Variants in VSX1 observed in about 807,000 individuals in gnomAD.
VSX1 encodes homeodomain protein RINX.
In VSX1, 23 loss-of-function variants were observed where a neutral mutation model predicts 23.6. That is an observed-to-expected ratio of 0.97 (90% CI 0.70 to 1.38). The LOEUF (loss-of-function observed/expected upper bound fraction) is 1.38, where lower values mean the gene tolerates loss of function less well. VSX1 is among the 40% of genes most tolerant of loss of function. VSX1 has a pLI of 0.00. For synonymous variants in VSX1, 247 were observed against 215.1 expected, an observed-to-expected ratio of 1.15 and a Z score of -1.30; for missense variants, 517 against 495.4, an observed-to-expected ratio of 1.04 and a Z score of -0.41.
At chr20:25,079,068 C>T in intron 2 of VSX1, 116 bp from the exon 3 acceptor site, 2 of 1,217,114 alleles carry the variant, frequency 1.6e-6, no homozygotes, top group South Asian at 1.3e-5. Context: ...GAAGCCACTT[C>T]ATGATAATGG....
chr20:25,072,944 A>T (rs1456063914), downstream of VSX1, among the ~76,000 whole-genome samples: 1 of 152,134 alleles, frequency 6.6e-6, no homozygotes, highest in Non-Finnish European at 1.5e-5. Flanking sequence ...TAACAGCCAC[A>T]TTTCAGCTGG....
intron 3 of VSX1, chr20:25,078,452 A>G (rs1600383251): frequency 1.0e-6 from 1 of 962,516 alleles, no homozygotes; most frequent in Non-Finnish European, 1.4e-6. Context: ...GCACATACAT[A>G]TTCAGGGGCA....
At position 25,076,361 on chromosome 20, in the gene VSX1, C is replaced by T. The variant is rs769904728; in HGVS notation, c.998G>A (p.Arg333Gln). The T allele has an allele frequency of 1.7e-5, 28 of 1,613,994 alleles. No homozygotes were observed. The highest frequency in any genetic ancestry group is 2.3e-5 in the Non-Finnish European group (27 of 1,180,034). Residue 333 changes from arginine (R) to glutamine (Q), a missense_variant, in exon 5 of 5, where the codon CGG (arginine) becomes CAG (glutamine). Physicochemically the swap from Arg to Gln is conservative, Grantham distance 43. Coordinates refer to ENST00000376709, the MANE Select transcript of VSX1 (RefSeq NM_014588.6). ...DVAIDLSSSA[R>Q]QETKKVHPGA... ...AGGGTGCACTTTCTTGGTCTCCTGC[C>T]GGGCAGAGCTGGAGAGGTCAATAGC...
In VSX1 at chr20:25,081,790, G is replaced by C; in HGVS notation, c.307C>G (p.Leu103Val). The stretch of plus-strand genomic sequence containing the variant: ...GGCGGCAGGAACGGCACGTCCGCTA[G>C]GAGCAGGCAGGGTGCTCGAGCGGCC... The part of the protein sequence containing the change: ...PAAARAPCLL[L>V]ADVPFLPPRG... The change falls in exon 1 of 5, where the codon CTA (leucine) becomes GTA (valine). Residue 103 changes from leucine (L) to valine (V), a missense_variant. Physicochemically the swap from Leu to Val is conservative, Grantham distance 32. Coordinates refer to ENST00000376709, the MANE Select transcript of VSX1 (RefSeq NM_014588.6). 6 of 1,500,590 alleles carry C rather than the reference G, an allele frequency of 4.0e-6. No homozygotes were observed. Among genetic ancestry groups the C allele is most frequent in the Non-Finnish European group, 5.3e-6 (6 of 1,133,544 alleles). The allele number at this position is 1,500,590 out of a possible 1,614,324, so 93.0% of individuals were successfully genotyped here. A position where few individuals can be genotyped will look rare whatever the true frequency, so the allele number is the denominator to read the frequency against.
intron 2 of VSX1, 104 bp downstream of exon 2, chr20:25,079,332 G>T: frequency 8.3e-7 from 1 of 1,205,810 alleles, no homozygotes; most frequent in Non-Finnish European, 1.2e-6. Flanking sequence ...GGAAACCACT[G>T]GGCCTGCTAT....
downstream of VSX1, chr20:25,071,765 T>C (rs754103666): frequency 2.9e-6 from 2 of 696,724 alleles, no homozygotes; most frequent in South Asian, 3.0e-5. Flanking sequence ...AACTCCTAGG[T>C]TGTTGAATTC....
intron 2 of VSX1, 90 bp from the exon 3 acceptor site, chr20:25,079,042 T>G: frequency 1.3e-6 from 2 of 1,515,312 alleles, no homozygotes; most frequent in Non-Finnish European, 1.8e-6. Flanking sequence ...CTGCTTCCTC[T>G]GCTGTCCAGA....
chr20:25,071,627 G>A, downstream of VSX1: 1 of 552,866 alleles, frequency 1.8e-6, no homozygotes, highest in South Asian at 1.5e-5. Context: ...AATAAGGAGG[G>A]GAGTTTCTGT....
At position 25,081,672 on chromosome 20, in the gene VSX1, C is replaced by G; in HGVS notation, c.424+1G>C. On this transcript the variant is annotated splice_donor_variant, in intron 1 of 4. Coordinates refer to ENST00000376709, the MANE Select transcript of VSX1 (RefSeq NM_014588.6). LOFTEE classifies it high-confidence loss of function. ...GGAGCGGAAAGCGCGGGCCTGATTA[C>G]CGGACGTGGAGACGCTGTCGCTGCG... 5.9e-6 allele frequency: 9 copies of G among 1,520,302 alleles called. No individual in the cohort carries two copies. Among genetic ancestry groups the G allele is most frequent in the Non-Finnish European group, 7.9e-6 (9 of 1,140,600 alleles). The allele number at this position is 1,520,302 out of a possible 1,614,324, so 94.2% of individuals were successfully genotyped here.
intron 1 of VSX1, 121 bp downstream of exon 1, chr20:25,081,552 G>A: frequency 1.4e-6 from 2 of 1,462,958 alleles, no homozygotes; most frequent in Non-Finnish European, 1.9e-6. Flanking sequence ...CCTCGCTCTG[G>A]GCTCCCCGCC....
chr20:25,081,900 G>A lies in VSX1; in HGVS notation c.197C>T (p.Pro66Leu). The stretch of plus-strand genomic sequence containing the variant: ...CGCCAGGCTGGAGCCGTCAAGCCCC[G>A]GGCCCGGGCACGGCGCGACTGCCGG... The part of the protein sequence containing the change: ...EGPAVAPCPG[P>L]GLDGSSLARG... Residue 66 changes from proline (P) to leucine (L), a missense_variant, in exon 1 of 5, where the codon CCG (proline) becomes CTG (leucine). By Grantham distance (98) the Pro-to-Leu change is moderately conservative. Transcript: ENST00000376709. 1 of 1,528,620 alleles carries A rather than the reference G, an allele frequency of 6.5e-7. No individual in the cohort carries two copies. The highest frequency in any genetic ancestry group is 2.5e-5 in the East Asian group (1 of 40,582). The allele number at this position is 1,528,620 out of a possible 1,614,324, so 94.7% of individuals were successfully genotyped here.
At chr20:25,078,796 A>T in intron 3 of VSX1, 33 bp downstream of exon 3, 1 of 1,614,122 alleles carries the variant, frequency 6.2e-7, no homozygotes, top group Non-Finnish European at 8.5e-7. Context: ...TCTCTGTGGT[A>T]TCTTTGGAGC....
At chr20:25,071,650 C>T (rs1389892570), downstream of VSX1, 2 of 586,452 alleles carry the variant, frequency 3.4e-6, no homozygotes, top group Admixed American at 4.3e-5. Context: ...GAGCAGCTTT[C>T]TGCACCTGTC....
intron 2 of VSX1, 96 bp from the exon 3 acceptor site, chr20:25,079,048 C>T: frequency 6.8e-7 from 1 of 1,472,594 alleles, no homozygotes. Flanking sequence ...CCTCTGCTGT[C>T]CAGACCCTAG....
chr20:25,079,681 C>T (rs892048532), intron 1 of VSX1, among the ~76,000 whole-genome samples, 167 bp from the exon 2 acceptor site: 7 of 151,152 alleles, frequency 4.6e-5, no homozygotes, highest in African/African-American at 7.3e-5. Context: ...GTGCTTAACA[C>T]TGTCCATACA....
downstream of VSX1, among the ~76,000 whole-genome samples, chr20:25,074,209 T>C (rs1005068935): frequency 6.6e-6 from 1 of 152,204 alleles, no homozygotes; most frequent in Non-Finnish European, 1.5e-5. Context: ...AAATGAGTGT[T>C]CTGCTGTCAT....
Position 25,081,709 on chromosome 20 carries a change from C to A in VSX1, c.388G>T (p.Gly130Cys). ...LAPSRPPPALGRQKRSDSVST... is the reference protein window; with the variant it reads ...LAPSRPPPALCRQKRSDSVST... Reference sequence around the variant, plus strand: ...ACGCTGTCGCTGCGCTTCTGGCGGCCGAGCGCAGGCGGCGGACGGCTGGGA... The same window carrying A: ...ACGCTGTCGCTGCGCTTCTGGCGGCAGAGCGCAGGCGGCGGACGGCTGGGA... The change falls in exon 1 of 5, where the codon GGC becomes TGC. Residue 130 changes from glycine to cysteine, a missense_variant. Transcript: ENST00000376709. 2.0e-6 allele frequency: 3 copies of A among 1,503,224 alleles called. No homozygotes were observed. The highest frequency in any genetic ancestry group is 1.3e-5 in the South Asian group (1 of 79,184). 93.1% of individuals were successfully genotyped at this position (1,503,224 alleles called of 1,614,324 possible). A position where few individuals can be genotyped will look rare whatever the true frequency, so the allele number is the denominator to read the frequency against.
chr20:25,079,614 C>T (rs925646584), intron 1 of VSX1, 100 bp from the exon 2 acceptor site: 6 of 1,314,902 alleles, frequency 4.6e-6, no homozygotes, highest in Non-Finnish European at 6.4e-6. Context: ...CTCTTGGGTA[C>T]TTAAGTAGTT....
Position 25,079,460 on chromosome 20 carries a change from C to T in VSX1, c.479G>A (p.Gly160Asp), listed in dbSNP as rs74315433. The change falls in exon 2 of 5, where the codon GGC becomes GAC. Residue 160 changes from glycine (G) to aspartate (D), a missense_variant. By Grantham distance (94) the Gly-to-Asp change is moderately conservative (BLOSUM62 -1). Transcript: ENST00000376709. Reference sequence around the variant, plus strand: ...CCTGTGCCGCCGCTTCTTCCTCTTGCCCAAGGTGGGGGATGCCTTTAGGTC... The same window carrying T: ...CCTGTGCCGCCGCTTCTTCCTCTTGTCCAAGGTGGGGGATGCCTTTAGGTC... ...RNDLKASPTL[G>D]KRKKRRHRTV... The T allele has an allele frequency of 2.1e-3, 3,373 of 1,612,800 alleles. 12 individuals carry two copies. Among genetic ancestry groups the T allele is most frequent in the Non-Finnish European group, 2.4e-3 (2,888 of 1,179,760 alleles).
Sources: allele counts gnomAD v4.1 joint callset (sites outside exome capture counted in the v4.1 genomes callset), GRCh38; gene constraint gnomAD v4.1.1; transcripts MANE v1.5; gene names NCBI Gene and HGNC (gene_info 2026-07-23, HGNC 2026-07-21).